LARGE1: variants seen among roughly 807,000 people sequenced by gnomAD.
LARGE1 encodes the protein xylosyl- and glucuronyltransferase LARGE1.
LARGE1 carries 43 observed loss-of-function variants against 87.6 expected under a neutral mutation model. The ratio of observed to expected loss-of-function variants is 0.49; its 90% CI spans 0.38 to 0.63. The LOEUF (loss-of-function observed/expected upper bound fraction) is 0.63. Among genes scored for constraint, LARGE1 ranks in the 30% least tolerant of loss-of-function variants. The pLI is 0.00. For synonymous variants in LARGE1, 434 were observed against 394.6 expected, an observed-to-expected ratio of 1.10 and a Z score of -1.18; for missense variants, 802 against 1,000.2, an observed-to-expected ratio of 0.80 and a Z score of 2.67.
intron 1 of LARGE1, among the ~76,000 whole-genome samples, chr22:33,766,951 T>TATATATATATATATATATATATATAC (rs2084925872): frequency 2.5e-5 from 1 of 40,596 alleles, no homozygotes; most frequent in Non-Finnish European, 5.1e-5. Flanking sequence ...TATATATATA[T>TATATATATATATATATATATATATAC]ATATATATAT....
At chr22:33,465,384 T>C (rs1272803486) in intron 6 of LARGE1, among the ~76,000 whole-genome samples, 3 of 152,204 alleles carry the variant, frequency 2.0e-5, no homozygotes, top group African/African-American at 7.2e-5. Context: ...TGAGGATTTG[T>C]CTTAAGCTGG....
chr22:33,362,818 C>T (rs114583751), intron 9 of LARGE1, among the ~76,000 whole-genome samples: 3,981 of 149,588 alleles, frequency 0.027, 304 homozygotes, highest in African/African-American at 0.055. Flanking sequence ...GTGGGTGAGA[C>T]TAAAGGGGGG....
intron 5 of LARGE1, among the ~76,000 whole-genome samples, chr22:33,590,530 C>G (rs978275219): frequency 1.3e-5 from 2 of 152,176 alleles, no homozygotes; most frequent in Non-Finnish European, 2.9e-5. Flanking sequence ...TTTGATCGCC[C>G]TCGAAAATGC....
chr22:33,162,047 T>C (rs1162549787), downstream of LARGE1, among the ~76,000 whole-genome samples: 1 of 152,188 alleles, frequency 6.6e-6, no homozygotes, highest in African/African-American at 2.4e-5. Context: ...TTCCCACATT[T>C]TTCTGTCTTC....
rs184586078 is a variant in LARGE1 at position 33,856,992 on chromosome 22, G to A, written c.-83+63003C>T. Among the ~76,000 whole-genome samples, 307 of 152,134 alleles carry A rather than the reference G, an allele frequency of 2.0e-3. 3 individuals are homozygous for A. In the Middle Eastern group the frequency reaches 0.027, roughly 13 times the overall value. On this transcript the variant is annotated intron_variant, in intron 1 of 14. Transcript: ENST00000397394. ...GTTGCCCAGGCTGGAATGCAGTGGC[G>A]TGATCTCAGTTCACTGCAACCCTTG...
chr22:33,848,170 C>A (rs1425986557), intron 1 of LARGE1, among the ~76,000 whole-genome samples: 1 of 152,104 alleles, frequency 6.6e-6, no homozygotes, highest in Non-Finnish European at 1.5e-5. Context: ...CTCCGTATTT[C>A]TTTTTTCTAG....
intron 1 of LARGE1, among the ~76,000 whole-genome samples, chr22:33,836,652 G>A (rs1411316871): frequency 1.3e-5 from 2 of 152,130 alleles, no homozygotes; most frequent in African/African-American, 4.8e-5. Flanking sequence ...GGTAGAAAAA[G>A]AATGAGCTTC....
chr22:33,585,210 T>G (rs977902375), intron 5 of LARGE1, among the ~76,000 whole-genome samples: 6 of 152,196 alleles, frequency 3.9e-5, no homozygotes, highest in Non-Finnish European at 7.3e-5. Flanking sequence ...TTATTCCTGC[T>G]TCTGAGATAA....
chr22:33,264,222 A>G (rs1393290301), intron 11 of LARGE1, among the ~76,000 whole-genome samples: 2 of 152,252 alleles, frequency 1.3e-5, no homozygotes, highest in Non-Finnish European at 2.9e-5. Context: ...GGCTAGAGGG[A>G]TAGGTCTAGA....
intron 2 of LARGE1, among the ~76,000 whole-genome samples, chr22:33,672,777 A>G (rs563205637): frequency 1.6e-4 from 25 of 152,326 alleles, no homozygotes; most frequent in Admixed American, 3.3e-4. Flanking sequence ...AAATACCCCA[A>G]ATCATCTGCA....
intron 11 of LARGE1, among the ~76,000 whole-genome samples, chr22:33,187,164 G>C (rs751325078): frequency 6.6e-6 from 1 of 152,156 alleles, no homozygotes; most frequent in Non-Finnish European, 1.5e-5. Context: ...AAATGAAACC[G>C]ATTTGTTGAG....
At chr22:33,780,730 C>G (rs1601599695) in intron 1 of LARGE1, among the ~76,000 whole-genome samples, 1 of 152,230 alleles carries the variant, frequency 6.6e-6, no homozygotes, top group African/African-American at 2.4e-5. Context: ...TGCAGCAGTG[C>G]AAAACTATTT....
At chr22:33,891,846 G>A (rs1048791081) in intron 1 of LARGE1, among the ~76,000 whole-genome samples, 13 of 152,196 alleles carry the variant, frequency 8.5e-5, no homozygotes, top group African/African-American at 2.9e-4. Context: ...AATTGGCATC[G>A]ATGCATTGGC....
At chr22:33,697,471 C>A (rs573429874) in intron 2 of LARGE1, among the ~76,000 whole-genome samples, 7 of 138,420 alleles carry the variant, frequency 5.1e-5, no homozygotes, top group Non-Finnish European at 3.0e-5. Flanking sequence ...CCAAGGCGGG[C>A]GGATCACGAG....
chr22:33,711,502 G>C (rs574222795), intron 2 of LARGE1, among the ~76,000 whole-genome samples: 2 of 152,350 alleles, frequency 1.3e-5, no homozygotes, highest in East Asian at 1.9e-4. Context: ...GAGAAGTTAG[G>C]TGAGCTGCCC....
chr22:33,373,027 T>C (rs1601618974), intron 9 of LARGE1, among the ~76,000 whole-genome samples: 1 of 152,142 alleles, frequency 6.6e-6, no homozygotes, highest in East Asian at 1.9e-4. Flanking sequence ...AAATGACTGG[T>C]TATTTAATAA....
chr22:33,478,490 A>G (rs1231780359), intron 6 of LARGE1, among the ~76,000 whole-genome samples: 1 of 152,258 alleles, frequency 6.6e-6, no homozygotes, highest in East Asian at 1.9e-4. Context: ...GAGAACTTCA[A>G]ATAAAGAGCC....
intron 1 of LARGE1, among the ~76,000 whole-genome samples, chr22:33,806,416 C>T (rs2086311114): frequency 6.6e-6 from 1 of 152,210 alleles, no homozygotes; most frequent in Non-Finnish European, 1.5e-5. Flanking sequence ...AAGCCTGGCA[C>T]ATTTTCCAGC....
At chr22:33,533,661 GTTTA>G (rs1373697192) in intron 6 of LARGE1, among the ~76,000 whole-genome samples, 1 of 152,164 alleles carries the variant, frequency 6.6e-6, no homozygotes, top group Non-Finnish European at 1.5e-5. Context: ...GTATGTTTGT[GTTTA>G]TTTCTCATGA....
Sources: allele counts gnomAD v4.1 joint callset (sites outside exome capture counted in the v4.1 genomes callset), GRCh38; gene constraint gnomAD v4.1.1; transcripts MANE v1.5; gene names NCBI Gene and HGNC (gene_info 2026-07-23, HGNC 2026-07-21).